HPSE2: variants seen among roughly 807,000 people sequenced by gnomAD.
HPSE2 encodes the protein inactive heparanase-2.
In HPSE2, 38 loss-of-function variants were observed where a neutral mutation model predicts 60.5. The observed-to-expected ratio is 0.63, with a 90% confidence interval of 0.48 to 0.82. The LOEUF (loss-of-function observed/expected upper bound fraction) is 0.82, where lower values mean the gene tolerates loss of function less well. Among genes scored for constraint, HPSE2 ranks in the 40% least tolerant of loss-of-function variants. The pLI is 0.00. For synonymous variants in HPSE2, 295 were observed against 293.2 expected (o/e 1.01, Z -0.06); for missense variants, 713 against 740.4 (o/e 0.96, Z 0.43).
At chr10:99,307,147 G>A in the HPSE2 span, among the ~76,000 whole-genome samples, 1 of 152,290 alleles carries the variant, frequency 6.6e-6, no homozygotes, top group South Asian at 2.1e-4. Flanking sequence ...GAGCTGTGCT[G>A]CTTTGTGCTC....
intron 3 of HPSE2, among the ~76,000 whole-genome samples, chr10:98,910,274 C>T (rs1041232375): frequency 1.3e-5 from 2 of 152,134 alleles, no homozygotes; most frequent in Non-Finnish European, 2.9e-5. Context: ...TTAGATAAAG[C>T]TCTCTCTGGT....
In HPSE2 at chr10:99,147,325, T is replaced by C. The variant is rs75031523; in HGVS notation, c.449-2926A>G. 6.6e-5 allele frequency among the ~76,000 whole-genome samples: 10 copies of C among 152,348 alleles called. No individual in the cohort carries two copies. The East Asian group carries it at 7.7e-4, about 12-fold the overall frequency. ...GTTATACTGTTACAATGGTATTCCATAGACTGTTCGTGTGGAAAAGAAATA... is the reference window on the plus strand; with the variant it reads ...GTTATACTGTTACAATGGTATTCCACAGACTGTTCGTGTGGAAAAGAAATA... On this transcript the variant is annotated intron_variant, in intron 2 of 11. Coordinates refer to ENST00000370552, the MANE Select transcript of HPSE2 (RefSeq NM_021828.5).
intron 5 of HPSE2, among the ~76,000 whole-genome samples, chr10:98,704,763 G>C (rs1274592143): frequency 6.6e-6 from 1 of 152,142 alleles, no homozygotes; most frequent in African/African-American, 2.4e-5. Flanking sequence ...ATTAACTCAA[G>C]ATGGATTAAA....
At chr10:98,792,850 G>A (rs1950688450) in intron 3 of HPSE2, among the ~76,000 whole-genome samples, 1 of 152,160 alleles carries the variant, frequency 6.6e-6, no homozygotes, top group Non-Finnish European at 1.5e-5. Flanking sequence ...CAGCCTCAGA[G>A]AGAACAGCTT....
rs1349286154 is a variant in HPSE2, at chr10:98,689,773, G to A, written c.1004+4127C>T. 2.0e-5 allele frequency among the ~76,000 whole-genome samples: 3 copies of A among 152,282 alleles called. No homozygotes were observed. In the East Asian group the frequency reaches 5.8e-4, roughly 29 times the overall value. ...TGACTGATCTTCTTGTTCTTGTGAA[G>A]GCATCAGTTTATGATTTTTTTGGAC... On this transcript the variant is annotated intron_variant, in intron 6 of 11. Transcript: ENST00000370552.
intron 2 of HPSE2, among the ~76,000 whole-genome samples, chr10:99,181,701 AGGGGAACATCACACACT>A (rs1395509431): frequency 1.3e-5 from 2 of 152,228 alleles, no homozygotes; most frequent in Non-Finnish European, 2.9e-5. Flanking sequence ...GGACACAGGG[AGGGGAACATCACACACT>A]GGGACCTGTG....
At chr10:98,912,326 G>A (rs1445225360) in intron 3 of HPSE2, among the ~76,000 whole-genome samples, 1 of 152,194 alleles carries the variant, frequency 6.6e-6, no homozygotes, top group Non-Finnish European at 1.5e-5. Context: ...TGGTGTGAAT[G>A]TAGGTCTCTC....
Position 99,156,467 on chromosome 10 carries a change from A to C in HPSE2, c.449-12068T>G, listed in dbSNP as rs1846566046. 2.2e-5 allele frequency among the ~76,000 whole-genome samples: 3 copies of C among 137,084 alleles called. No homozygotes were observed. In the Admixed American group the frequency reaches 2.3e-4, roughly 10 times the overall value. 89.9% of individuals were successfully genotyped at this position (137,084 alleles called of 152,430 possible). A position where few individuals can be genotyped will look rare whatever the true frequency, so the allele number is the denominator to read the frequency against. On this transcript the variant is annotated intron_variant, in intron 2 of 11. Transcript: ENST00000370552. The stretch of plus-strand genomic sequence containing the variant: ...CAATATACACAAATCAATAAATGTA[A>C]TCCAGCATATAAACAGAGCCAAAGA...
chr10:98,895,855 T>C (rs1465285536), intron 3 of HPSE2, among the ~76,000 whole-genome samples: 1 of 146,106 alleles, frequency 6.8e-6, no homozygotes. Context: ...AAACACTGCA[T>C]GTTCTCACTC....
At chr10:98,477,411 G>C (rs1005779912) in intron 11 of HPSE2, among the ~76,000 whole-genome samples, 1 of 152,180 alleles carries the variant, frequency 6.6e-6, no homozygotes, top group African/African-American at 2.4e-5. Flanking sequence ...CTGGGGGAGA[G>C]AGCCAGATCA....
intron 6 of HPSE2, among the ~76,000 whole-genome samples, chr10:98,658,623 G>A (rs1230793085): frequency 2.6e-5 from 4 of 151,780 alleles, no homozygotes; most frequent in African/African-American, 9.7e-5. Context: ...AAGGTCATAA[G>A]AGTATTTTAT....
At chr10:99,219,487 G>A (rs1849240194) in intron 2 of HPSE2, among the ~76,000 whole-genome samples, 1 of 152,136 alleles carries the variant, frequency 6.6e-6, no homozygotes, top group African/African-American at 2.4e-5. Flanking sequence ...CAGAGAACCT[G>A]TTTCAGATTG....
At chr10:98,832,808 G>A (rs757904536) in intron 3 of HPSE2, among the ~76,000 whole-genome samples, 1 of 152,196 alleles carries the variant, frequency 6.6e-6, no homozygotes, top group Non-Finnish European at 1.5e-5. Context: ...ACTAGGTCAT[G>A]AGCTAATTTT....
chr10:98,708,590 T>A (rs1378982815), intron 5 of HPSE2, among the ~76,000 whole-genome samples: 1 of 152,212 alleles, frequency 6.6e-6, no homozygotes, highest in Non-Finnish European at 1.5e-5. Flanking sequence ...ATTAAGTATG[T>A]GCTCATGTAA....
chr10:99,240,695 A>T (rs917583281), upstream of HPSE2, among the ~76,000 whole-genome samples: 8 of 152,118 alleles, frequency 5.3e-5, no homozygotes, highest in South Asian at 1.7e-3. Context: ...TACAGGCGTG[A>T]GCCACCACGC....
At chr10:98,602,685 G>A (rs1042701423) in intron 9 of HPSE2, among the ~76,000 whole-genome samples, 1 of 152,060 alleles carries the variant, frequency 6.6e-6, no homozygotes, top group African/African-American at 2.4e-5. Flanking sequence ...TTCAATAAAA[G>A]TGCCAAGATG....
At chr10:98,973,588 A>T (rs957390531) in intron 3 of HPSE2, among the ~76,000 whole-genome samples, 1 of 152,204 alleles carries the variant, frequency 6.6e-6, no homozygotes, top group Non-Finnish European at 1.5e-5. Context: ...ACAAAACTTT[A>T]AAAAGCATCT....
chr10:99,164,455 CTCA>C (rs1433395625), intron 2 of HPSE2, among the ~76,000 whole-genome samples: 1 of 151,048 alleles, frequency 6.6e-6, no homozygotes, highest in African/African-American at 2.4e-5. Flanking sequence ...ATGTCCCAGT[CTCA>C]TCTTGTATTT....
rs1940175068 is a variant in HPSE2, at chr10:98,459,296, A to G, written c.*278T>C. 2.3e-6 allele frequency: 1 copy of G among 440,698 alleles called. No homozygotes were observed. 27.3% of individuals were successfully genotyped at this position (440,698 alleles called of 1,614,324 possible). A position where few individuals can be genotyped will look rare whatever the true frequency, so the allele number is the denominator to read the frequency against. On this transcript the variant is annotated 3_prime_UTR_variant, in exon 12 of 12. Coordinates refer to ENST00000370552, the MANE Select transcript of HPSE2 (RefSeq NM_021828.5). ...GAGTGTGCTGTCAGCTCGTTTTCAT[A>G]GTGCACATGAAGGGAAACATTCTGC...
Sources: allele counts gnomAD v4.1 joint callset (sites outside exome capture counted in the v4.1 genomes callset), GRCh38; gene constraint gnomAD v4.1.1; transcripts MANE v1.5; gene names NCBI Gene and HGNC (gene_info 2026-07-23, HGNC 2026-07-21).